The following TENM3 variants were observed in gnomAD, a reference collection of about 807,000 sequenced individuals.
TENM3 encodes teneurin-3.
A neutral mutation model predicts 255.1 loss-of-function variants in TENM3; 63 were observed. The ratio of observed to expected loss-of-function variants is 0.25; its 90% CI spans 0.20 to 0.30. The LOEUF (loss-of-function observed/expected upper bound fraction) is 0.30. Ranked by LOEUF, TENM3 falls within the 10% of genes least tolerant of loss-of-function variation. TENM3 has a pLI of 1.00. For missense variants in TENM3, 2,929 were observed against 3,461.1 expected, an observed-to-expected ratio of 0.85 and a Z score of 3.86; for synonymous variants, 1,306 against 1,322.3, an observed-to-expected ratio of 0.99 and a Z score of 0.27.
At chr4:182,023,234 A>G in the TENM3 span, among the ~76,000 whole-genome samples, 1 of 152,200 alleles carries the variant, frequency 6.6e-6, no homozygotes, top group Non-Finnish European at 1.5e-5. Context: ...ACCAATACCA[A>G]TGATCCACTC....
the TENM3 span, among the ~76,000 whole-genome samples, chr4:181,553,260 AGTGTGTGTGT>A: frequency 4.2e-3 from 560 of 133,544 alleles, 1 homozygote; most frequent in Middle Eastern, 8.2e-3. Flanking sequence ...ATAGTCATTA[AGTGTGTGTGT>A]GTGTGTGTGT....
At chr4:182,332,323 G>A (rs2150558878) in intron 2 of TENM3, among the ~76,000 whole-genome samples, 1 of 152,270 alleles carries the variant, frequency 6.6e-6, no homozygotes, top group Admixed American at 6.5e-5. Context: ...GACAGTGAAA[G>A]TCATAATCAT....
intron 22 of TENM3, among the ~76,000 whole-genome samples, chr4:182,762,913 G>A (rs989570983): frequency 2.8e-5 from 4 of 144,712 alleles, no homozygotes; most frequent in South Asian, 2.2e-4. Context: ...GTAAACACAC[G>A]TACTGATGAT....
the TENM3 span, among the ~76,000 whole-genome samples, chr4:181,898,301 G>A: frequency 6.6e-6 from 1 of 151,842 alleles, no homozygotes; most frequent in Non-Finnish European, 1.5e-5. Context: ...TGATATTTCT[G>A]TCAACAGATA....
At position 182,612,403 on chromosome 4, in the gene TENM3, T is replaced by A. The variant is rs1247067764; in HGVS notation, c.749+11242T>A. Among the ~76,000 whole-genome samples the A allele has an allele frequency of 2.0e-5, 3 of 152,136 alleles. No homozygotes were observed. The East Asian group carries it at 5.8e-4, about 29-fold the overall frequency. ...AGGTGACAGCATCACTGTCAACTCC[T>A]CTTCTCCTTTTCTCAGGATCCTCAG... On this transcript the variant is annotated intron_variant, in intron 4 of 27. Coordinates refer to ENST00000511685, the MANE Select transcript of TENM3 (RefSeq NM_001080477.4).
chr4:181,689,723 G>A, the TENM3 span, among the ~76,000 whole-genome samples: 1 of 152,084 alleles, frequency 6.6e-6, no homozygotes, highest in Admixed American at 6.6e-5. Context: ...GGGAATAAAA[G>A]TCACTCAATT....
chr4:182,072,010 C>G, the TENM3 span, among the ~76,000 whole-genome samples: 3 of 152,080 alleles, frequency 2.0e-5, no homozygotes, highest in Non-Finnish European at 4.4e-5. Flanking sequence ...GAGAAATGTT[C>G]TTATTTGTTA....
the TENM3 span, among the ~76,000 whole-genome samples, chr4:181,782,870 C>A: frequency 7.9e-5 from 12 of 152,238 alleles, no homozygotes; most frequent in East Asian, 9.7e-4. Flanking sequence ...GCCTTCATTT[C>A]TTTATGTACC....
At chr4:181,742,198 A>T in the TENM3 span, among the ~76,000 whole-genome samples, 4 of 152,184 alleles carry the variant, frequency 2.6e-5, no homozygotes, top group Admixed American at 2.6e-4. Flanking sequence ...TATAGAAAAA[A>T]AGTAACAGAT....
chr4:182,060,425 G>A, the TENM3 span, among the ~76,000 whole-genome samples: 5 of 151,978 alleles, frequency 3.3e-5, no homozygotes, highest in South Asian at 2.1e-4. Context: ...GCATGCAACC[G>A]AGATCCCTTC....
At chr4:182,223,014 T>C (rs1032898113) in intron 1 of TENM3, among the ~76,000 whole-genome samples, 1 of 152,176 alleles carries the variant, frequency 6.6e-6, no homozygotes, top group African/African-American at 2.4e-5. Context: ...TTGGTCTTGG[T>C]CTGCACAAAT....
chr4:181,816,172 T>C, the TENM3 span, among the ~76,000 whole-genome samples: 1 of 152,146 alleles, frequency 6.6e-6, no homozygotes, highest in Non-Finnish European at 1.5e-5. Context: ...CTGTGTCCTG[T>C]CTTCTCAATG....
intron 3 of TENM3, among the ~76,000 whole-genome samples, chr4:182,471,689 TATAAA>T (rs1222348711): frequency 6.6e-6 from 1 of 152,090 alleles, no homozygotes; most frequent in Non-Finnish European, 1.5e-5. Context: ...TGCTTTTACT[TATAAA>T]GTAATTATAT....
chr4:181,530,652 A>G, the TENM3 span, among the ~76,000 whole-genome samples: 1 of 152,228 alleles, frequency 6.6e-6, no homozygotes, highest in African/African-American at 2.4e-5. Context: ...GAAAATATGC[A>G]TCTTCCTTTT....
the TENM3 span, among the ~76,000 whole-genome samples, chr4:181,753,639 TCAAA>T: frequency 3.0e-3 from 463 of 152,348 alleles, 2 homozygotes; most frequent in Middle Eastern, 0.017. Context: ...TTGCTGATTA[TCAAA>T]CAGACTTCCT....
intron 3 of TENM3, among the ~76,000 whole-genome samples, chr4:182,536,534 G>A (rs959799164): frequency 1.3e-5 from 2 of 152,136 alleles, no homozygotes; most frequent in South Asian, 2.1e-4. Flanking sequence ...CCTGGCCGCC[G>A]CAAAAAGTAC....
rs1012937540 is a variant in TENM3 at position 182,369,806 on chromosome 4, G to A, written c.511+22877G>A. ...TGAGGCAGGGGAATTGCTCGAACCC[G>A]GGAGGCGGTTGCAGGGAGCCAAGAT... On this transcript the variant is annotated intron_variant, in intron 3 of 27. Coordinates refer to ENST00000511685, the MANE Select transcript of TENM3 (RefSeq NM_001080477.4). Among the ~76,000 whole-genome samples, 10 of 152,044 alleles carry A rather than the reference G, an allele frequency of 6.6e-5. No homozygotes were observed. In the East Asian group the frequency reaches 9.7e-4, roughly 15 times the overall value.
At position 182,628,878 on chromosome 4, in the gene TENM3, C is replaced by T; in HGVS notation, c.977C>T (p.Ser326Phe). 3 of 1,588,890 alleles carry T rather than the reference C, an allele frequency of 1.9e-6. No individual in the cohort carries two copies. The highest frequency in any genetic ancestry group is 2.6e-6 in the Non-Finnish European group (3 of 1,164,050). The part of the protein sequence containing the change: ...GVSVLLAILL[S>F]YFIAMHLFGL... ...TCGGTGCTCCTGGCAATACTCCTGT[C>T]TTATTTTATAGGTAAGAACAAGTTC... Residue 326 changes from serine (S) to phenylalanine (F), a missense_variant, in exon 5 of 28, where the codon TCT becomes TTT. This residue lies in a region of TENM3 where 1,608 missense variants were observed against 1,884.4 expected (regional missense o/e 0.85). Coordinates refer to ENST00000511685, the MANE Select transcript of TENM3 (RefSeq NM_001080477.4).
At chr4:181,456,431 G>A in the TENM3 span, among the ~76,000 whole-genome samples, 1 of 151,932 alleles carries the variant, frequency 6.6e-6, no homozygotes, top group East Asian at 1.9e-4. Flanking sequence ...AGGAACGAAC[G>A]AGGGCTTAGA....
Sources: gnomAD v4.1 joint callset for allele counts (sites outside exome capture counted in the v4.1 genomes callset) on GRCh38, gnomAD v4.1.1 for gene constraint, gnomAD v4.1.1 regional missense constraint, MANE v1.5 for transcripts, NCBI Gene and HGNC (gene_info 2026-07-23, HGNC 2026-07-21) for gene names.